The following CLVS1 variants were observed in gnomAD, a reference collection of about 807,000 sequenced individuals.
CLVS1 encodes the protein clavesin 1.
CLVS1 carries 10 observed loss-of-function variants against 33.1 expected under a neutral mutation model. The observed-to-expected ratio is 0.30, with a 90% CI of 0.19 to 0.51. The LOEUF is 0.51. Ranked by LOEUF, CLVS1 falls within the 20% of genes least tolerant of loss-of-function variation. The pLI, the probability that CLVS1 is intolerant of heterozygous loss-of-function variation, is 0.97. For synonymous variants in CLVS1, 163 were observed against 166.1 expected (o/e 0.98, Z 0.14); for missense variants, 343 against 433.4 (o/e 0.79, Z 1.85).
chr8:61,499,108 A>C (rs2129608979), intron 5 of CLVS1, among the ~76,000 whole-genome samples: 1 of 152,328 alleles, frequency 6.6e-6, no homozygotes, highest in African/African-American at 2.4e-5. Context: ...GTGGTTTAGC[A>C]AGCAAAAGAA....
intron 3 of CLVS1, among the ~76,000 whole-genome samples, chr8:61,429,758 A>T (rs1226321125): frequency 6.6e-6 from 1 of 152,238 alleles, no homozygotes; most frequent in African/African-American, 2.4e-5. Context: ...TTTTCAACAA[A>T]TATAGTGGCT....
chr8:61,165,123 A>G (rs1353237900), intron 2 of CLVS1, among the ~76,000 whole-genome samples: 1 of 152,278 alleles, frequency 6.6e-6, no homozygotes, highest in Non-Finnish European at 1.5e-5. Flanking sequence ...TTAGCCGTGC[A>G]GGAACAATGG....
chr8:61,396,747 A>G (rs1814543616), intron 3 of CLVS1, among the ~76,000 whole-genome samples: 1 of 152,176 alleles, frequency 6.6e-6, no homozygotes, highest in South Asian at 2.1e-4. Flanking sequence ...CTGTTTCTAC[A>G]GATTTACTGA....
chr8:60,973,703 C>T, the CLVS1 span, among the ~76,000 whole-genome samples: 1 of 152,306 alleles, frequency 6.6e-6, no homozygotes, highest in East Asian at 1.9e-4. Flanking sequence ...GTCTTGCATC[C>T]CTTTTCCCAT....
the CLVS1 span, chr8:60,967,554 G>A: frequency 2.3e-6 from 1 of 437,456 alleles, no homozygotes; most frequent in South Asian, 1.6e-5. Context: ...GGGTGAAGCA[G>A]GGTGCAGTGC....
At chr8:61,444,155 A>G (rs950216936) in intron 3 of CLVS1, among the ~76,000 whole-genome samples, 1 of 152,168 alleles carries the variant, frequency 6.6e-6, no homozygotes, top group Non-Finnish European at 1.5e-5. Flanking sequence ...TTTAATGTAG[A>G]CAGTCATGTT....
upstream of CLVS1, among the ~76,000 whole-genome samples, chr8:61,287,073 A>G (rs1281656387): frequency 1.3e-5 from 2 of 152,232 alleles, no homozygotes; most frequent in Non-Finnish European, 2.9e-5. Flanking sequence ...AGCATAAGGT[A>G]CGAGAAGTGA....
the CLVS1 span, among the ~76,000 whole-genome samples, chr8:61,012,153 T>C: frequency 2.0e-5 from 3 of 152,186 alleles, no homozygotes; most frequent in Admixed American, 6.5e-5. Context: ...AGCTTTCCCC[T>C]TCCTGTTTTC....
At chr8:61,257,695 T>C (rs1224601753) in intron 2 of CLVS1, among the ~76,000 whole-genome samples, 2 of 152,098 alleles carry the variant, frequency 1.3e-5, no homozygotes, top group East Asian at 1.9e-4. Flanking sequence ...AGGAAGAAAC[T>C]GGCAAAAGGA....
chr8:61,017,551 A>T, the CLVS1 span, among the ~76,000 whole-genome samples: 2 of 152,262 alleles, frequency 1.3e-5, no homozygotes, highest in Non-Finnish European at 1.5e-5. Context: ...ATTTGAATGA[A>T]GCCGTATTAG....
intron 2 of CLVS1, among the ~76,000 whole-genome samples, chr8:61,325,192 A>T (rs1585803909): frequency 6.6e-6 from 1 of 151,470 alleles, no homozygotes; most frequent in South Asian, 2.1e-4. Flanking sequence ...GAAATAACCT[A>T]TGTACACACA....
chr8:61,425,931 G>C (rs1490089930), intron 3 of CLVS1, among the ~76,000 whole-genome samples: 2 of 152,186 alleles, frequency 1.3e-5, no homozygotes, highest in African/African-American at 4.8e-5. Flanking sequence ...CATGAAGTTA[G>C]AGCATTAAGT....
intron 2 of CLVS1, among the ~76,000 whole-genome samples, chr8:61,313,504 C>T (rs1376685123): frequency 6.6e-6 from 1 of 152,162 alleles, no homozygotes; most frequent in Non-Finnish European, 1.5e-5. Context: ...ATGAGCATGC[C>T]AGTCATTTAG....
At position 61,458,549 on chromosome 8, in the gene CLVS1, C is replaced by G; in HGVS notation, c.977+7C>G. 1 of 1,562,934 alleles carries G rather than the reference C, an allele frequency of 6.4e-7. No individual in the cohort carries two copies. ...CACCCAAGCTGATGAAAAGGTAAGG[C>G]CTGGGTTATCAGAGCCCCCCCCCCA... On this transcript the variant is annotated splice_region_variant and intron_variant, in intron 5 of 5. Transcript: ENST00000325897.
At chr8:61,381,642 A>G (rs548450855) in intron 3 of CLVS1, among the ~76,000 whole-genome samples, 1 of 152,134 alleles carries the variant, frequency 6.6e-6, no homozygotes, top group South Asian at 2.1e-4. Flanking sequence ...CTTTGTGTCT[A>G]TGTGTACTCA....
At chr8:61,422,154 G>A (rs1815703299) in intron 3 of CLVS1, among the ~76,000 whole-genome samples, 1 of 151,254 alleles carries the variant, frequency 6.6e-6, no homozygotes, top group Non-Finnish European at 1.5e-5. Flanking sequence ...AAAGTAGAGT[G>A]GATTACATTC....
chr8:61,208,562 A>G (rs531947709), intron 2 of CLVS1, among the ~76,000 whole-genome samples: 1 of 152,298 alleles, frequency 6.6e-6, no homozygotes, highest in South Asian at 2.1e-4. Flanking sequence ...GATAAGAAAA[A>G]TAATTTACTA....
intron 3 of CLVS1, among the ~76,000 whole-genome samples, chr8:61,435,980 TA>T (rs1816316770): frequency 6.6e-6 from 1 of 152,246 alleles, no homozygotes; most frequent in South Asian, 2.1e-4. Context: ...AATAAACACT[TA>T]ATATTTTATG....
chr8:61,457,351 G>A (rs1294052702), intron 4 of CLVS1, among the ~76,000 whole-genome samples: 1 of 152,114 alleles, frequency 6.6e-6, no homozygotes, highest in African/African-American at 2.4e-5. Context: ...CTTTATGCCT[G>A]CAACATGAAG....
Sources: allele counts gnomAD v4.1 joint callset (sites outside exome capture counted in the v4.1 genomes callset), GRCh38; gene constraint gnomAD v4.1.1; transcripts MANE v1.5; gene names NCBI Gene and HGNC (gene_info 2026-07-23, HGNC 2026-07-21).